The following NLRP5 variants were observed in gnomAD, a reference collection of about 807,000 sequenced individuals.
The protein encoded by NLRP5 is NACHT, LRR and PYD domains-containing protein 5.
Under a neutral mutation model 113.1 loss-of-function variants are expected in NLRP5, and 93 were observed. The observed-to-expected ratio is 0.82, with a 90% CI of 0.70 to 0.98. The LOEUF (loss-of-function observed/expected upper bound fraction) is 0.98, where lower values mean the gene tolerates loss of function less well. NLRP5 is among the 50% of genes least tolerant of loss of function. NLRP5 has a pLI of 0.00. For synonymous variants in NLRP5, 751 were observed against 600.7 expected (o/e 1.25, Z -3.66); for missense variants, 1,808 against 1,514.3 (o/e 1.19, Z -3.22).
At chr19:55,989,573 AGAGCAGCAATAT>A in the NLRP5 span, among the ~76,000 whole-genome samples, 1 of 152,116 alleles carries the variant, frequency 6.6e-6, no homozygotes, top group Non-Finnish European at 1.5e-5. Context: ...TTAATTTGAA[AGAGCAGCAATAT>A]GAGAAGGTGT....
chr19:56,002,306 T>A (rs903977751), intron 1 of NLRP5, among the ~76,000 whole-genome samples: 1 of 152,206 alleles, frequency 6.6e-6, no homozygotes, highest in African/African-American at 2.4e-5. Flanking sequence ...TTATCAGATA[T>A]GACTTTTAAG....
chr19:56,001,776 G>T (rs1981661101), intron 1 of NLRP5, among the ~76,000 whole-genome samples: 1 of 152,210 alleles, frequency 6.6e-6, no homozygotes, highest in Non-Finnish European at 1.5e-5. Context: ...CAGATGTCAA[G>T]CAAGGGTGAT....
chr19:56,052,592 C>G (rs1202781597), intron 12 of NLRP5, among the ~76,000 whole-genome samples: 1 of 152,046 alleles, frequency 6.6e-6, no homozygotes, highest in Non-Finnish European at 1.5e-5. Flanking sequence ...TATTCTTCAC[C>G]CGATGGCTCC....
At chr19:55,998,089 G>T (rs1013608784), upstream of NLRP5, among the ~76,000 whole-genome samples, 1 of 152,112 alleles carries the variant, frequency 6.6e-6, no homozygotes, top group Non-Finnish European at 1.5e-5. Flanking sequence ...CTGGAGGGTA[G>T]GTAGGTTAAT....
chr19:56,007,435 G>T (rs925272161), intron 2 of NLRP5, among the ~76,000 whole-genome samples: 1 of 150,730 alleles, frequency 6.6e-6, no homozygotes, highest in African/African-American at 2.5e-5. Context: ...CCTAGAAGGA[G>T]TAAGCTTTAG....
At chr19:56,057,580 T>G in intron 13 of NLRP5, among the ~76,000 whole-genome samples, 1 of 152,212 alleles carries the variant, frequency 6.6e-6, no homozygotes, top group East Asian at 1.9e-4. Context: ...GCAGTGTTGC[T>G]TTCTCTGCAG....
intron 2 of NLRP5, among the ~76,000 whole-genome samples, chr19:56,006,752 G>A (rs1292757664): frequency 5.3e-5 from 8 of 149,952 alleles, no homozygotes; most frequent in African/African-American, 2.0e-4. Flanking sequence ...ATTTTTTTTT[G>A]TTTTTGAGAC....
At chr19:55,989,631 C>G in the NLRP5 span, among the ~76,000 whole-genome samples, 1 of 152,096 alleles carries the variant, frequency 6.6e-6, no homozygotes, top group African/African-American at 2.4e-5. Context: ...CCCGTAGTGT[C>G]TCTTCCCTAT....
chr19:55,997,724 G>A (rs546540964), upstream of NLRP5, among the ~76,000 whole-genome samples: 305 of 152,234 alleles, frequency 2.0e-3, 2 homozygotes, highest in Non-Finnish European at 3.6e-3. Context: ...ATAGCTGGGT[G>A]TGGTGGCTGG....
rs762811879 is a variant in NLRP5, at chr19:56,021,330, T to A, written c.679+899T>A. On this transcript the variant is annotated intron_variant, in intron 6 of 14. Transcript: ENST00000390649. Reference sequence around the variant, plus strand: ...GTTGATTGAGGCTTTTTTGTTGAGATATAATTAGGATTTTATATACCATAA... The same window carrying A: ...GTTGATTGAGGCTTTTTTGTTGAGAAATAATTAGGATTTTATATACCATAA... 7.2e-5 allele frequency among the ~76,000 whole-genome samples: 11 copies of A among 152,332 alleles called. 1 individual carries two copies. In the South Asian group the frequency reaches 2.3e-3, roughly 32 times the overall value.
intron 3 of NLRP5, among the ~76,000 whole-genome samples, chr19:56,009,990 C>A (rs144633181): frequency 3.3e-5 from 5 of 152,272 alleles, no homozygotes; most frequent in Admixed American, 3.3e-4. Context: ...GATAAGACTG[C>A]GTCTCAGAGG....
At chr19:56,012,202 G>A (rs540910498) in intron 3 of NLRP5, among the ~76,000 whole-genome samples, 31 of 152,104 alleles carry the variant, frequency 2.0e-4, no homozygotes, top group African/African-American at 7.0e-4. Context: ...AGGCTGGAGT[G>A]CAGTGGTGCA....
intron 3 of NLRP5, among the ~76,000 whole-genome samples, chr19:56,010,675 C>G: frequency 7.1e-6 from 1 of 140,916 alleles, no homozygotes; most frequent in Non-Finnish European, 1.5e-5. Flanking sequence ...ATCACTTGAA[C>G]CCAGGAGGTA....
intron 6 of NLRP5, among the ~76,000 whole-genome samples, chr19:56,026,307 T>A (rs1355798444): frequency 6.6e-6 from 1 of 151,772 alleles, no homozygotes; most frequent in Non-Finnish European, 1.5e-5. Context: ...GGTGGGTACA[T>A]CACTAGGTCA....
chr19:56,019,840 C>T (rs1982545861), intron 5 of NLRP5, among the ~76,000 whole-genome samples: 1 of 127,774 alleles, frequency 7.8e-6, no homozygotes, highest in African/African-American at 3.2e-5. Flanking sequence ...GCCTTCATGG[C>T]ATTTTTTTTT....
At chr19:55,988,335 C>T in the NLRP5 span, 1 of 157,758 alleles carries the variant, frequency 6.3e-6, no homozygotes, top group East Asian at 1.8e-4. Context: ...GCAGAGTTTG[C>T]AGTGAGCTGA....
intron 11 of NLRP5, among the ~76,000 whole-genome samples, chr19:56,046,784 G>A (rs1432404623): frequency 2.0e-5 from 3 of 152,082 alleles, no homozygotes; most frequent in Non-Finnish European, 2.9e-5. Context: ...TGCCCGCCTC[G>A]GCCTCCCAAA....
chr19:55,994,414 G>C, the NLRP5 span, among the ~76,000 whole-genome samples: 4 of 149,660 alleles, frequency 2.7e-5, no homozygotes, highest in South Asian at 2.1e-4. Flanking sequence ...TTTTTTGGGA[G>C]GGGGGACAGA....
chr19:56,003,026 G>A (rs191115284), intron 1 of NLRP5, among the ~76,000 whole-genome samples: 16,184 of 139,646 alleles, frequency 0.12, 1,205 homozygotes, highest in East Asian at 0.26. Flanking sequence ...AACTAGTTCA[G>A]CCATTGTGGA....
Sources: gnomAD v4.1 joint callset for allele counts (sites outside exome capture counted in the v4.1 genomes callset) on GRCh38, gnomAD v4.1.1 for gene constraint, MANE v1.5 for transcripts, NCBI Gene and HGNC (gene_info 2026-07-23, HGNC 2026-07-21) for gene names.